ZNF618: variants seen among roughly 807,000 people sequenced by gnomAD.
ZNF618 encodes the protein zinc finger protein 618.
A neutral mutation model predicts 103.0 loss-of-function variants in ZNF618; 34 were observed. That is an observed-to-expected ratio of 0.33 (90% confidence interval 0.25 to 0.44). The LOEUF is 0.44. ZNF618 is among the 20% of genes least tolerant of loss of function. ZNF618 has a pLI of 1.00. For missense variants in ZNF618, 1,059 were observed against 1,295.4 expected (o/e 0.82, Z 2.80); for synonymous variants, 551 against 542.2 (o/e 1.02, Z -0.23).
chr9:113,910,585 T>G (rs1056494207), intron 1 of ZNF618, among the ~76,000 whole-genome samples: 1 of 152,226 alleles, frequency 6.6e-6, no homozygotes, highest in Non-Finnish European at 1.5e-5. Context: ...ATCTGGCTCC[T>G]CAGGGTTGTT....
intron 1 of ZNF618, among the ~76,000 whole-genome samples, chr9:113,884,611 G>C (rs1202459999): frequency 6.6e-6 from 1 of 152,166 alleles, no homozygotes; most frequent in Admixed American, 6.5e-5. Context: ...TTTCCATTGA[G>C]TATGGCCAGC....
intron 1 of ZNF618, among the ~76,000 whole-genome samples, chr9:113,901,794 C>G (rs529386422): frequency 1.2e-4 from 18 of 152,260 alleles, no homozygotes; most frequent in African/African-American, 4.1e-4. Context: ...CTCCTTGGTC[C>G]CTAATCCTCT....
intron 13 of ZNF618, among the ~76,000 whole-genome samples, chr9:114,036,655 T>C (rs1844642262): frequency 6.6e-6 from 1 of 152,180 alleles, no homozygotes; most frequent in Non-Finnish European, 1.5e-5. Context: ...TGGTGGCCTC[T>C]TGGCTGGTCC....
intron 1 of ZNF618, among the ~76,000 whole-genome samples, chr9:113,968,741 G>A (rs1837666060): frequency 6.6e-6 from 1 of 152,144 alleles, no homozygotes. Context: ...CCTCTGGTTG[G>A]TAGGAATAAA....
In ZNF618 at chr9:114,049,253, C is replaced by T. The variant is rs1190607224; in HGVS notation, c.1951C>T (p.Arg651Trp). Reference protein sequence around the residue: ...NSVVQSVLSKRTLQARSMHEV... With the variant: ...NSVVQSVLSKWTLQARSMHEV... ...GGTGGTGCAGAGCGTGCTGAGCAAG[C>T]GGACACTGCAGGCCCGCAGCATGCA... is the stretch of plus-strand genomic sequence containing the variant. The change falls in exon 15 of 15, where the codon CGG (arginine) becomes TGG (tryptophan). Residue 651 changes from arginine (R) to tryptophan (W), a missense_variant. Physicochemically the swap from Arg to Trp is moderately radical, Grantham distance 101. Coordinates refer to ENST00000374126, the MANE Select transcript of ZNF618 (RefSeq NM_001318042.2). The T allele has an allele frequency of 2.5e-6, 4 of 1,612,786 alleles. No individual in the cohort carries two copies. The highest frequency in any genetic ancestry group is 3.4e-6 in the Non-Finnish European group (4 of 1,179,622).
chr9:113,887,043 C>T, intron 1 of ZNF618, among the ~76,000 whole-genome samples: 1 of 129,132 alleles, frequency 7.7e-6, no homozygotes, highest in Non-Finnish European at 1.6e-5. Context: ...CTCCATGGCT[C>T]ATATTATATT....
chr9:113,957,929 A>G (rs1235959160), intron 1 of ZNF618, among the ~76,000 whole-genome samples: 1 of 151,250 alleles, frequency 6.6e-6, no homozygotes, highest in East Asian at 1.9e-4. Flanking sequence ...TTTATGGCTG[A>G]TCTGGTTTTA....
At chr9:113,891,559 CA>C (rs1829620591) in intron 1 of ZNF618, among the ~76,000 whole-genome samples, 1 of 152,042 alleles carries the variant, frequency 6.6e-6, no homozygotes, top group Non-Finnish European at 1.5e-5. Flanking sequence ...GGTGTTTCTT[CA>C]GAATATTAAA....
rs777559713 is a variant in ZNF618, at chr9:113,988,363, C to T, written c.120C>T (p.Gly40=). 1.9e-6 allele frequency: 3 copies of T among 1,613,294 alleles called. No homozygotes were observed. The South Asian group carries it at 3.3e-5, about 18-fold the overall frequency. Residue 40 remains glycine, a synonymous_variant, in exon 3 of 15, where the codon GGC becomes GGT. Coordinates refer to ENST00000374126, the MANE Select transcript of ZNF618 (RefSeq NM_001318042.2). ...KRSQKSTKVE[G]PEPVPAEASL... is the part of the protein sequence containing the mutation. ...GCCAGAAGAGCACCAAGGTGGAGGG[C>T]CCAGAGCCAGTGCCAGCCGAGGCCT...
chr9:113,922,373 C>T (rs1296716960), intron 1 of ZNF618, among the ~76,000 whole-genome samples: 1 of 151,950 alleles, frequency 6.6e-6, no homozygotes, highest in African/African-American at 2.4e-5. Flanking sequence ...GGCAGCTGCC[C>T]AGAGGGCCAA....
intron 2 of ZNF618, among the ~76,000 whole-genome samples, chr9:113,972,926 A>G (rs1472096166): frequency 2.0e-5 from 3 of 152,060 alleles, no homozygotes; most frequent in African/African-American, 7.2e-5. Flanking sequence ...AAAATTAGCC[A>G]GGTATGGTGG....
chr9:114,002,221 G>T, intron 5 of ZNF618, 148 bp downstream of exon 5: 1 of 757,464 alleles, frequency 1.3e-6, no homozygotes, highest in South Asian at 1.5e-5. Context: ...GTAGGACAGG[G>T]TGCCAGGCAG....
chr9:114,004,345 C>G (rs1315973528), intron 6 of ZNF618, among the ~76,000 whole-genome samples: 1 of 152,236 alleles, frequency 6.6e-6, no homozygotes, highest in Non-Finnish European at 1.5e-5. Flanking sequence ...TGCCCCAGCC[C>G]CAGCCTCAGC....
intron 1 of ZNF618, among the ~76,000 whole-genome samples, chr9:113,888,962 A>G (rs1829338591): frequency 6.6e-6 from 1 of 152,178 alleles, no homozygotes; most frequent in African/African-American, 2.4e-5. Context: ...TAAGTGCAGG[A>G]TAGTGCTGAT....
chr9:114,021,634 T>A (rs1033668455), intron 10 of ZNF618, among the ~76,000 whole-genome samples: 3 of 152,078 alleles, frequency 2.0e-5, no homozygotes, highest in African/African-American at 7.2e-5. Context: ...GTTTGATAAG[T>A]TTTGACCTAT....
intron 13 of ZNF618, among the ~76,000 whole-genome samples, chr9:114,045,894 T>C (rs1845609981): frequency 6.6e-6 from 1 of 151,912 alleles, no homozygotes; most frequent in African/African-American, 2.4e-5. Context: ...TTTACTTAGG[T>C]CTTATTTGAG....
At chr9:113,897,329 T>C (rs1312907594) in intron 1 of ZNF618, among the ~76,000 whole-genome samples, 1 of 152,230 alleles carries the variant, frequency 6.6e-6, no homozygotes, top group African/African-American at 2.4e-5. Flanking sequence ...TGTAGTCTTA[T>C]GTTATTAATA....
chr9:113,921,730 C>T (rs1275045162), intron 1 of ZNF618, among the ~76,000 whole-genome samples: 3 of 152,232 alleles, frequency 2.0e-5, no homozygotes, highest in South Asian at 4.1e-4. Context: ...CTTCATCATT[C>T]TGAAGTGTCC....
intron 10 of ZNF618, among the ~76,000 whole-genome samples, chr9:114,022,416 T>C (rs1208533579): frequency 1.3e-5 from 2 of 152,042 alleles, no homozygotes; most frequent in Non-Finnish European, 2.9e-5. Context: ...GAAGGATTAT[T>C]TAGAAATATA....
Sources: gnomAD v4.1 joint callset for allele counts (sites outside exome capture counted in the v4.1 genomes callset) on GRCh38, gnomAD v4.1.1 for gene constraint, MANE v1.5 for transcripts, NCBI Gene and HGNC (gene_info 2026-07-23, HGNC 2026-07-21) for gene names.